PRKCQ: variants seen among roughly 807,000 people sequenced by gnomAD.
PRKCQ encodes protein kinase C theta.
PRKCQ carries 41 observed loss-of-function variants against 91.2 expected under a neutral mutation model. The ratio of observed to expected loss-of-function variants is 0.45; its 90% CI spans 0.35 to 0.58. The LOEUF (loss-of-function observed/expected upper bound fraction) is 0.58, where lower values mean the gene tolerates loss of function less well. Among genes scored for constraint, PRKCQ ranks in the 20% least tolerant of loss-of-function variants. The pLI is 0.00. For missense variants in PRKCQ, 673 were observed against 896.5 expected (o/e 0.75, Z 3.18); for synonymous variants, 307 against 316.9 (o/e 0.97, Z 0.33).
chr10:6,481,369 G>A (rs1231809918), intron 11 of PRKCQ, among the ~76,000 whole-genome samples: 1 of 152,192 alleles, frequency 6.6e-6, no homozygotes, highest in Non-Finnish European at 1.5e-5. Context: ...AAACTAAGAA[G>A]CCAAAAAGAC....
the PRKCQ span, among the ~76,000 whole-genome samples, chr10:6,417,509 G>A: frequency 6.6e-5 from 10 of 151,878 alleles, no homozygotes; most frequent in Non-Finnish European, 1.5e-4. Flanking sequence ...CCCCAAATTC[G>A]AATTGACGTA....
At chr10:6,518,068 G>A (rs548603552) in intron 1 of PRKCQ, among the ~76,000 whole-genome samples, 1 of 152,172 alleles carries the variant, frequency 6.6e-6, no homozygotes, top group Non-Finnish European at 1.5e-5. Flanking sequence ...AGCAGCATGA[G>A]CAAATTTTGG....
intron 1 of PRKCQ, among the ~76,000 whole-genome samples, chr10:6,536,157 T>C (rs1487729617): frequency 6.6e-6 from 1 of 152,110 alleles, no homozygotes; most frequent in Admixed American, 6.6e-5. Flanking sequence ...TGTGAGGGCA[T>C]TTGAAGGTCC....
At chr10:6,484,135 C>T (rs141328742) in intron 10 of PRKCQ, among the ~76,000 whole-genome samples, 12 of 152,284 alleles carry the variant, frequency 7.9e-5, no homozygotes, top group South Asian at 2.1e-4. Flanking sequence ...CTACGTTGGC[C>T]GGGTATGGTG....
the PRKCQ span, among the ~76,000 whole-genome samples, chr10:6,409,734 GT>G: frequency 3.0e-4 from 44 of 148,342 alleles, no homozygotes; most frequent in Middle Eastern, 6.9e-3. Flanking sequence ...TCTACAGAAG[GT>G]TTTTTTTTTA....
chr10:6,467,369 GAGAGACAGAGAGAGACAGAC>G (rs1835727955), intron 12 of PRKCQ, among the ~76,000 whole-genome samples: 1 of 109,906 alleles, frequency 9.1e-6, no homozygotes, highest in Non-Finnish European at 2.0e-5. Flanking sequence ...GAGAGAGAGA[GAGAGACAGAGAGAGACAGAC>G]AGAGAGAGAG....
chr10:6,418,565 A>T, the PRKCQ span, among the ~76,000 whole-genome samples: 14 of 152,168 alleles, frequency 9.2e-5, no homozygotes, highest in Admixed American at 9.2e-4. Context: ...GACCCCTGGC[A>T]TTCAGCTCAG....
At chr10:6,422,109 A>G in the PRKCQ span, among the ~76,000 whole-genome samples, 2 of 152,166 alleles carry the variant, frequency 1.3e-5, no homozygotes, top group African/African-American at 4.8e-5. Flanking sequence ...GATCAATCAG[A>G]TAGAATTATT....
chr10:6,417,160 T>G, the PRKCQ span, among the ~76,000 whole-genome samples: 2 of 152,368 alleles, frequency 1.3e-5, no homozygotes, highest in Non-Finnish European at 1.5e-5. Context: ...AGGTGTCTTG[T>G]CCTTAAGTGG....
intron 1 of PRKCQ, among the ~76,000 whole-genome samples, chr10:6,567,970 C>T (rs775803229): frequency 4.6e-5 from 7 of 152,074 alleles, no homozygotes; most frequent in Admixed American, 4.6e-4. Context: ...TGGTGGCTCT[C>T]GCCTGTAATC....
intron 15 of PRKCQ, among the ~76,000 whole-genome samples, chr10:6,446,914 C>T (rs1344235194): frequency 1.3e-5 from 2 of 152,198 alleles, no homozygotes; most frequent in African/African-American, 4.8e-5. Flanking sequence ...CCTTCAGCCT[C>T]AGAAGCTGGG....
intron 4 of PRKCQ, among the ~76,000 whole-genome samples, chr10:6,501,101 A>G (rs1409876): frequency 0.45 from 69,111 of 152,038 alleles, 17,198 homozygotes; most frequent in African/African-American, 0.66. Flanking sequence ...ATAGAGAGAT[A>G]TCAAGGAAAT....
At chr10:6,451,762 G>T (rs1003904656) in intron 15 of PRKCQ, among the ~76,000 whole-genome samples, 1 of 152,186 alleles carries the variant, frequency 6.6e-6, no homozygotes, top group African/African-American at 2.4e-5. Context: ...GGGATGCAAG[G>T]CTGGTTCAAT....
the PRKCQ span, among the ~76,000 whole-genome samples, chr10:6,395,160 T>C: frequency 2.1e-5 from 3 of 143,046 alleles, no homozygotes; most frequent in Middle Eastern, 3.7e-3. Context: ...GCCTCCCGGG[T>C]TCACGCCATT....
chr10:6,446,978 T>A (rs938999768), intron 15 of PRKCQ, among the ~76,000 whole-genome samples: 3 of 152,050 alleles, frequency 2.0e-5, no homozygotes, highest in African/African-American at 7.2e-5. Context: ...ACTGGGTGAG[T>A]GCTGCCCCAG....
At position 6,515,085 on chromosome 10, in the gene PRKCQ, G is replaced by A. The variant is rs1588367805; in HGVS notation, c.51C>T (p.Cys17=). The A allele has an allele frequency of 4.3e-6, 7 of 1,613,868 alleles. No individual in the cohort carries two copies. Among genetic ancestry groups the A allele is most frequent in the Non-Finnish European group, 5.9e-6 (7 of 1,179,944 alleles). The change falls in exon 2 of 18, where the codon TGC becomes TGT. Residue 17 remains cysteine, a synonymous_variant. Coordinates refer to ENST00000263125, the MANE Select transcript of PRKCQ (RefSeq NM_006257.5). The part of the protein sequence containing the change: ...IGLSNFDCGS[C]QSCQGEAVNP... ...TAACAGCCTCGCCCTGACAAGACTG[G>A]CAGGACCCGCAGTCAAAGTTGGACA...
At chr10:6,452,744 A>G (rs1292472785) in intron 15 of PRKCQ, among the ~76,000 whole-genome samples, 3 of 150,794 alleles carry the variant, frequency 2.0e-5, no homozygotes, top group Non-Finnish European at 4.4e-5. Flanking sequence ...AATGGAACAG[A>G]ACAGAGCCCT....
intron 3 of PRKCQ, among the ~76,000 whole-genome samples, chr10:6,509,285 T>C (rs911162043): frequency 1.3e-5 from 2 of 152,148 alleles, no homozygotes; most frequent in African/African-American, 4.8e-5. Context: ...AACCTGCCTA[T>C]CAGTGAAGAC....
the PRKCQ span, among the ~76,000 whole-genome samples, chr10:6,401,906 A>T: frequency 6.6e-6 from 1 of 152,192 alleles, no homozygotes. Flanking sequence ...CTGCCTGGTC[A>T]CTGAAGTTCC....
Sources: gnomAD v4.1 joint callset for allele counts (sites outside exome capture counted in the v4.1 genomes callset) on GRCh38, gnomAD v4.1.1 for gene constraint, MANE v1.5 for transcripts, NCBI Gene and HGNC (gene_info 2026-07-23, HGNC 2026-07-21) for gene names.